Variants in FAM120A observed in about 807,000 individuals in gnomAD.
The protein encoded by FAM120A is constitutive coactivator of PPAR-gamma-like protein 1.
A neutral mutation model predicts 109.7 loss-of-function variants in FAM120A; 15 were observed. The ratio of observed to expected loss-of-function variants is 0.14; its 90% confidence interval spans 0.09 to 0.21. FAM120A has a LOEUF of 0.21. Among genes scored for constraint, FAM120A ranks in the 10% least tolerant of loss-of-function variants. FAM120A has a pLI of 1.00. For synonymous variants in FAM120A, 493 were observed against 572.8 expected, an observed-to-expected ratio of 0.86 and a Z score of 1.99; for missense variants, 899 against 1,439.3, an observed-to-expected ratio of 0.62 and a Z score of 6.07.
In FAM120A at chr9:93,452,448, T is replaced by C. The variant is rs988977140; in HGVS notation, c.474+59T>C. 3 of 1,556,116 alleles carry C rather than the reference T, an allele frequency of 1.9e-6. No individual in the cohort carries two copies. Among genetic ancestry groups the C allele is most frequent in the Non-Finnish European group, 2.6e-6 (3 of 1,153,354 alleles). ...GGGCCGCGCCGCACCCCTATCCCCC[T>C]TCCCAGGGCGCAGAATGTCGCCCGG... On this transcript the variant is annotated intron_variant, in intron 1 of 17. Transcript: ENST00000277165. The surrounding 1 kb of genome is among the most constrained non-coding windows in gnomAD (Gnocchi z 7.0).
At chr9:93,550,812 ACTAAT>A (rs1862071390) in intron 12 of FAM120A, 121 bp downstream of exon 12, 1 of 632,682 alleles carries the variant, frequency 1.6e-6, no homozygotes, top group African/African-American at 1.8e-5. Context: ...AGTCCACTAA[ACTAAT>A]AATACTAATA....
intron 11 of FAM120A, among the ~76,000 whole-genome samples, chr9:93,544,575 A>G (rs1861817091): frequency 6.6e-6 from 1 of 152,272 alleles, no homozygotes; most frequent in Non-Finnish European, 1.5e-5. Flanking sequence ...TGCAAGTACA[A>G]TACAGAAACC....
intron 7 of FAM120A, 144 bp from the exon 8 acceptor site, chr9:93,527,011 G>C: frequency 1.5e-6 from 1 of 647,412 alleles, no homozygotes; most frequent in South Asian, 1.9e-5. Flanking sequence ...AGAAATATTA[G>C]TATAATAGAG....
At chr9:93,508,236 G>A (rs1860152073) in intron 5 of FAM120A, among the ~76,000 whole-genome samples, 1 of 152,170 alleles carries the variant, frequency 6.6e-6, no homozygotes, top group Non-Finnish European at 1.5e-5. Context: ...GGACCATGTT[G>A]AAAAAGGTGC....
intron 9 of FAM120A, 82 bp downstream of exon 9, chr9:93,529,662 T>A: frequency 8.1e-7 from 1 of 1,237,072 alleles, no homozygotes; most frequent in Non-Finnish European, 1.2e-6. Context: ...TTTGTCCTTT[T>A]TTGAACCATT....
chr9:93,549,114 G>A (rs10992784), intron 11 of FAM120A, among the ~76,000 whole-genome samples: 9,718 of 152,188 alleles, frequency 0.064, 424 homozygotes, highest in Non-Finnish European at 0.1. Flanking sequence ...AAGATTTGTG[G>A]CAGTTAATCA....
At chr9:93,506,010 G>A (rs1278019208) in intron 5 of FAM120A, among the ~76,000 whole-genome samples, 2 of 152,126 alleles carry the variant, frequency 1.3e-5, no homozygotes, top group Non-Finnish European at 2.9e-5. Context: ...CCGTGTGTGG[G>A]TCTGTTTCTG....
In FAM120A at chr9:93,502,563, CAT is replaced by C. The variant is rs1249544155; in HGVS notation, c.1030+3679_1030+3680del. On this transcript the variant is annotated intron_variant, in intron 5 of 17. Coordinates refer to ENST00000277165, the MANE Select transcript of FAM120A (RefSeq NM_014612.5). ...GTAGTGTAGAGTTCTTAGGAGGACA[CAT>C]ACACACACACACACACACACACACA... Among the ~76,000 whole-genome samples the C allele has an allele frequency of 6.2e-5, 5 of 80,678 alleles. No homozygotes were observed. The Admixed American group carries it at 6.7e-4, about 11-fold the overall frequency. 52.9% of individuals were successfully genotyped at this position (80,678 alleles called of 152,430 possible). A position where few individuals can be genotyped will look rare whatever the true frequency, so the allele number is the denominator to read the frequency against.
intron 12 of FAM120A, among the ~76,000 whole-genome samples, chr9:93,552,287 G>C (rs943985352): frequency 1.3e-5 from 2 of 152,112 alleles, no homozygotes; most frequent in African/African-American, 4.8e-5. Flanking sequence ...CACACTCTAA[G>C]CTTTCATTTT....
Position 93,498,815 on chromosome 9 carries a change from G to A in FAM120A, c.959G>A (p.Arg320Gln), listed in dbSNP as rs1184797083. 2 of 1,612,058 alleles carry A rather than the reference G, an allele frequency of 1.2e-6. No homozygotes were observed. Among genetic ancestry groups the A allele is most frequent in the Non-Finnish European group, 1.7e-6 (2 of 1,178,256 alleles). ...TCTAGAACAGATGACAAAGTTATTC[G>A]ATTTAAGAGAGCAATTGGATATTAT... ...SQSRTDDKVI[R>Q]FKRAIGYYSA... Residue 320 changes from arginine to glutamine, a missense_variant, in exon 5 of 18, where the codon CGA becomes CAA. Arg to Gln is a conservative substitution (Grantham distance 43). Coordinates refer to ENST00000277165, the MANE Select transcript of FAM120A (RefSeq NM_014612.5). This position sits in a 1 kb window ranked among gnomAD's most constrained non-coding sequence, Gnocchi z 4.4.
intron 1 of FAM120A, among the ~76,000 whole-genome samples, chr9:93,470,204 A>G (rs1312050286): frequency 6.6e-6 from 1 of 152,212 alleles, no homozygotes; most frequent in Non-Finnish European, 1.5e-5. Flanking sequence ...CTGTTCTCAA[A>G]ATTACCTTAT....
At chr9:93,480,042 T>C (rs1858728887) in intron 3 of FAM120A, among the ~76,000 whole-genome samples, 1 of 152,190 alleles carries the variant, frequency 6.6e-6, no homozygotes, top group Non-Finnish European at 1.5e-5. Flanking sequence ...ATCGTGCTTA[T>C]TACTAGATTA....
chr9:93,508,544 C>T (rs1438634072), intron 5 of FAM120A, among the ~76,000 whole-genome samples: 2 of 152,220 alleles, frequency 1.3e-5, no homozygotes, highest in Non-Finnish European at 1.5e-5. Flanking sequence ...GCACTGCTAC[C>T]TCCAGCTCAG....
At chr9:93,562,078 C>A in intron 16 of FAM120A, 130 bp from the exon 17 acceptor site, 1 of 747,532 alleles carries the variant, frequency 1.3e-6, no homozygotes, top group Non-Finnish European at 2.2e-6. Flanking sequence ...TTGCAACTTC[C>A]GGCATAAATG....
intron 7 of FAM120A, 118 bp downstream of exon 7, chr9:93,516,387 T>C: frequency 2.1e-6 from 3 of 1,444,540 alleles, no homozygotes; most frequent in Non-Finnish European, 2.8e-6. Context: ...TGCAGGTGGG[T>C]GATGGTCAGT....
chr9:93,498,773 TCC>T lies in FAM120A; in HGVS notation c.934-16_934-15del, dbSNP rs1859680716. 6.6e-7 allele frequency: 1 copy of T among 1,509,188 alleles called. No homozygotes were observed. 93.5% of individuals were successfully genotyped at this position (1,509,188 alleles called of 1,614,324 possible). A position where few individuals can be genotyped will look rare whatever the true frequency, so the allele number is the denominator to read the frequency against. On this transcript the variant is annotated splice_polypyrimidine_tract_variant and intron_variant, in intron 4 of 17. Transcript: ENST00000277165. The surrounding 1 kb of genome is among the most constrained non-coding windows in gnomAD (Gnocchi z 4.4). The stretch of plus-strand genomic sequence containing the variant: ...GTGGCACACTAATTTATGAAGGTTT[TCC>T]TGCCTTTATTTCAGTCTAGAACAGA...
Position 93,470,358 on chromosome 9 carries a change from G to T in FAM120A, c.475-783G>T, listed in dbSNP as rs7045518. On this transcript the variant is annotated intron_variant, in intron 1 of 17. Coordinates refer to ENST00000277165, the MANE Select transcript of FAM120A (RefSeq NM_014612.5). ...TTTGGTATATTTTTTGGACTAGAGAGAGCCCAGAGGACTTTGACTTCTCAA... is the reference window on the plus strand; with the variant it reads ...TTTGGTATATTTTTTGGACTAGAGATAGCCCAGAGGACTTTGACTTCTCAA... 9.1e-3 allele frequency among the ~76,000 whole-genome samples: 1,385 copies of T among 152,306 alleles called. 20 individuals are homozygous for T. The highest frequency in any genetic ancestry group is 0.032 in the African/African-American group (1,316 of 41,546).
At chr9:93,543,965 T>A (rs1861796844) in intron 11 of FAM120A, among the ~76,000 whole-genome samples, 1 of 152,152 alleles carries the variant, frequency 6.6e-6, no homozygotes, top group Admixed American at 6.5e-5. Context: ...ACACGGCGAG[T>A]ATTTGTGTAT....
intron 8 of FAM120A, among the ~76,000 whole-genome samples, chr9:93,528,430 A>C (rs191626797): frequency 5.6e-4 from 86 of 152,368 alleles, no homozygotes; most frequent in African/African-American, 2.0e-3. Flanking sequence ...ATTCTGATAA[A>C]GTTTATTATA....
Sources: allele counts gnomAD v4.1 joint callset (sites outside exome capture counted in the v4.1 genomes callset), GRCh38; gene constraint gnomAD v4.1.1; non-coding constraint Gnocchi (gnomAD v3.1); transcripts MANE v1.5; gene names NCBI Gene and HGNC (gene_info 2026-07-23, HGNC 2026-07-21).